ARHGEF7: variants seen among roughly 807,000 people sequenced by gnomAD.
The protein encoded by ARHGEF7 is PAK-interacting exchange factor beta.
In ARHGEF7, 33 loss-of-function variants were observed where a neutral mutation model predicts 109.8. The observed-to-expected ratio is 0.30, with a 90% CI of 0.23 to 0.40. The LOEUF is 0.40. Ranked by LOEUF, ARHGEF7 falls within the 10% of genes least tolerant of loss-of-function variation. The pLI is 1.00. For synonymous variants in ARHGEF7, 458 were observed against 424.6 expected, an observed-to-expected ratio of 1.08 and a Z score of -0.97; for missense variants, 938 against 1,098.5, an observed-to-expected ratio of 0.85 and a Z score of 2.07.
At chr13:111,288,504 A>G in intron 18 of ARHGEF7, 61 bp downstream of exon 18, 5 of 1,369,854 alleles carry the variant, frequency 3.7e-6, no homozygotes, top group South Asian at 2.5e-5. Context: ...TTCAAATTAC[A>G]GTCTGAAGGA....
At chr13:111,120,886 G>T (rs536077203) in intron 1 of ARHGEF7, among the ~76,000 whole-genome samples, 2 of 152,194 alleles carry the variant, frequency 1.3e-5, no homozygotes, top group African/African-American at 2.4e-5. Flanking sequence ...ACTCGGAGGC[G>T]GAAGATTCCA....
chr13:111,287,296 GCT>G (rs2153617597), intron 17 of ARHGEF7, among the ~76,000 whole-genome samples: 1 of 152,344 alleles, frequency 6.6e-6, no homozygotes, highest in South Asian at 2.1e-4. Flanking sequence ...CTGGATGCCT[GCT>G]CTGTTGCTTA....
Position 111,221,403 on chromosome 13 carries a change from ATATATATAGATG to A in ARHGEF7, c.670+3525_670+3536del, listed in dbSNP as rs2084093625. Reference sequence around the variant, plus strand: ...TATATATATAGATGTCTATATATCTATATATATAGATGTCTATATATCTATATATAGATATAT... The same window carrying A: ...TATATATATAGATGTCTATATATCTATCTATATATCTATATATAGATATAT... On this transcript the variant is annotated intron_variant, in intron 5 of 21. Coordinates refer to ENST00000646102, the MANE Select transcript of ARHGEF7 (RefSeq NM_001354046.2). 9.8e-5 allele frequency among the ~76,000 whole-genome samples: 2 copies of A among 20,384 alleles called. 1 individual carries two copies. The highest frequency in any genetic ancestry group is 3.5e-4 in the African/African-American group (2 of 5,676). 13.4% of individuals were successfully genotyped at this position (20,384 alleles called of 152,430 possible).
Position 111,273,921 on chromosome 13 carries a change from C to CGCT in ARHGEF7, c.1185_1187dup (p.Leu396dup). On this transcript the variant is annotated inframe_insertion, in exon 10 of 22. Transcript: ENST00000646102. This position sits in a 1 kb window ranked among gnomAD's most constrained non-coding sequence, Gnocchi z 4.5. ...TTCATGCGCCTGGATAAATACCCTA[C>CGCT]GCTGCTCAAAGAGCTCGAGAGACAC... The CGCT allele has an allele frequency of 3.7e-6, 6 of 1,614,176 alleles. No individual in the cohort carries two copies. The highest frequency in any genetic ancestry group is 5.1e-6 in the Non-Finnish European group (6 of 1,180,044).
chr13:111,266,811 G>A lies in ARHGEF7; in HGVS notation c.951-737G>A. ...AGGGAAGGTGGTAAGAGTTCACGTG[G>A]TTCTCCTGTTTTCAGCACACGTGCC... is the stretch of plus-strand genomic sequence containing the variant. On this transcript the variant is annotated intron_variant, in intron 8 of 21. Transcript: ENST00000646102. This position sits in a 1 kb window ranked among gnomAD's most constrained non-coding sequence, Gnocchi z 4.8. 2.2e-6 allele frequency: 1 copy of A among 455,980 alleles called. No individual in the cohort carries two copies. Among genetic ancestry groups the A allele is most frequent in the Non-Finnish European group, 4.4e-6 (1 of 226,788 alleles). 28.2% of individuals were successfully genotyped at this position (455,980 alleles called of 1,614,324 possible).
intron 19 of ARHGEF7, among the ~76,000 whole-genome samples, chr13:111,296,938 G>C (rs1259409880): frequency 6.6e-6 from 1 of 151,986 alleles, no homozygotes; most frequent in Non-Finnish European, 1.5e-5. Context: ...GTTCATCTCT[G>C]TCTGAGCCTC....
intron 2 of ARHGEF7, among the ~76,000 whole-genome samples, chr13:111,193,640 C>G (rs2080161814): frequency 6.6e-6 from 1 of 152,220 alleles, no homozygotes; most frequent in Non-Finnish European, 1.5e-5. Flanking sequence ...CGGTTAAGTG[C>G]CACTAGTTCT....
intron 5 of ARHGEF7, among the ~76,000 whole-genome samples, chr13:111,230,525 G>A (rs2085892657): frequency 2.0e-5 from 3 of 152,174 alleles, no homozygotes; most frequent in African/African-American, 4.8e-5. Context: ...TGGCGTGACC[G>A]CCCCAGGAGC....
chr13:111,262,432 A>G (rs564114119), intron 8 of ARHGEF7, among the ~76,000 whole-genome samples: 139 of 152,062 alleles, frequency 9.1e-4, no homozygotes, highest in South Asian at 1.7e-3. Context: ...GTGTGTGTCT[A>G]TCTCCACCCT....
At chr13:111,116,019 G>A (rs2153301696) in intron 1 of ARHGEF7, among the ~76,000 whole-genome samples, 1 of 152,238 alleles carries the variant, frequency 6.6e-6, no homozygotes, top group African/African-American at 2.4e-5. Context: ...GTGGGGGGCC[G>A]GCCCCGCTCC....
rs1441392288 is a variant in ARHGEF7 at position 111,286,235 on chromosome 13, G to A, written c.2039G>A (p.Arg680Gln). 2.5e-6 allele frequency: 4 copies of A among 1,613,116 alleles called. No individual in the cohort carries two copies. Among genetic ancestry groups the A allele is most frequent in the Non-Finnish European group, 3.4e-6 (4 of 1,179,590 alleles). ...CCTTCAGATGAGGAGTTCGCGTCCCGGAAAAGTGAGTACCTGCGGTCCGTG... is the reference window on the plus strand; with the variant it reads ...CCTTCAGATGAGGAGTTCGCGTCCCAGAAAAGTGAGTACCTGCGGTCCGTG... Reference protein sequence around the residue: ...RKPSDEEFASRKSTAALEEDA... With the variant: ...RKPSDEEFASQKSTAALEEDA... Residue 680 changes from arginine (R) to glutamine (Q), a missense_variant, in exon 17 of 22, where the codon CGG becomes CAG. Physicochemically the swap from Arg to Gln is conservative, Grantham distance 43. Coordinates refer to ENST00000646102, the MANE Select transcript of ARHGEF7 (RefSeq NM_001354046.2).
At chr13:111,195,810 T>G (rs4771734) in intron 2 of ARHGEF7, among the ~76,000 whole-genome samples, 63,376 of 152,102 alleles carry the variant, frequency 0.42, 13,744 homozygotes, top group Non-Finnish European at 0.47. Context: ...TGATTGGCCT[T>G]TTCCATTTTC....
At chr13:111,275,853 G>T in intron 12 of ARHGEF7, 175 bp downstream of exon 12, 1 of 766,870 alleles carries the variant, frequency 1.3e-6, no homozygotes, top group East Asian at 2.9e-5. Context: ...ATGTTAGAGA[G>T]GCTTAGAGCT....
chr13:111,184,774 C>T (rs897436635), intron 2 of ARHGEF7, among the ~76,000 whole-genome samples: 4 of 152,124 alleles, frequency 2.6e-5, no homozygotes, highest in Non-Finnish European at 4.4e-5. Context: ...GGCATCAGAG[C>T]GGAGGGGACT....
intron 10 of ARHGEF7, 25 bp from the exon 11 acceptor site, chr13:111,274,705 TA>T (rs1426192596): frequency 7.2e-7 from 1 of 1,381,716 alleles, no homozygotes; most frequent in Non-Finnish European, 9.7e-7. Context: ...TTATGAAAGC[TA>T]ATTGTATGTT....
intron 1 of ARHGEF7, among the ~76,000 whole-genome samples, chr13:111,117,707 G>C (rs760842805): frequency 2.0e-5 from 3 of 150,740 alleles, no homozygotes; most frequent in Non-Finnish European, 3.0e-5. Flanking sequence ...CTCTCTCTCT[G>C]TCTCTCTCTC....
At chr13:111,234,586 C>T (rs766150968) in intron 6 of ARHGEF7, among the ~76,000 whole-genome samples, 1 of 152,174 alleles carries the variant, frequency 6.6e-6, no homozygotes. Context: ...GACATCTGTG[C>T]ACCTTCTTGT....
At chr13:111,247,100 C>T (rs563113504) in intron 8 of ARHGEF7, among the ~76,000 whole-genome samples, 1 of 152,142 alleles carries the variant, frequency 6.6e-6, no homozygotes, top group African/African-American at 2.4e-5. Flanking sequence ...ATGGAATGTA[C>T]TAGACGAAGT....
intron 2 of ARHGEF7, among the ~76,000 whole-genome samples, chr13:111,173,674 C>T (rs1024789737): frequency 5.3e-5 from 8 of 152,164 alleles, no homozygotes; most frequent in South Asian, 2.1e-4. Context: ...AGCTTTAAGT[C>T]GGCTTGTGTT....
Sources: allele counts gnomAD v4.1 joint callset (sites outside exome capture counted in the v4.1 genomes callset), GRCh38; gene constraint gnomAD v4.1.1; non-coding constraint Gnocchi (gnomAD v3.1); transcripts MANE v1.5; gene names NCBI Gene and HGNC (gene_info 2026-07-23, HGNC 2026-07-21).